The following GALNT13 variants were observed in gnomAD, a reference collection of about 807,000 sequenced individuals.
The protein encoded by GALNT13 is polypeptide N-acetylgalactosaminyltransferase 13.
GALNT13 carries 28 observed loss-of-function variants against 64.2 expected under a neutral mutation model. That is an observed-to-expected ratio of 0.44 (90% CI 0.32 to 0.60). The LOEUF (loss-of-function observed/expected upper bound fraction) is 0.60, where lower values mean the gene tolerates loss of function less well. Among genes scored for constraint, GALNT13 ranks in the 20% least tolerant of loss-of-function variants. The pLI is 0.05. For synonymous variants in GALNT13, 214 were observed against 224.6 expected, an observed-to-expected ratio of 0.95 and a Z score of 0.42; for missense variants, 577 against 669.8, an observed-to-expected ratio of 0.86 and a Z score of 1.53.
intron 8 of GALNT13, among the ~76,000 whole-genome samples, chr2:154,284,219 A>T (rs1574015088): frequency 1.3e-5 from 2 of 152,172 alleles, no homozygotes; most frequent in East Asian, 3.9e-4. Context: ...ACTAAAACTT[A>T]TTCTTCCAGT....
At chr2:153,167,291 A>AT in the GALNT13 span, among the ~76,000 whole-genome samples, 1 of 152,092 alleles carries the variant, frequency 6.6e-6, no homozygotes. Context: ...TGACCATCTG[A>AT]TTTTCTTTGG....
At chr2:153,227,115 A>G in the GALNT13 span, among the ~76,000 whole-genome samples, 3 of 152,220 alleles carry the variant, frequency 2.0e-5, no homozygotes, top group African/African-American at 7.2e-5. Flanking sequence ...TGTTGGGCTA[A>G]TTCAAGTGGG....
chr2:153,188,937 C>A, the GALNT13 span, among the ~76,000 whole-genome samples: 12 of 152,198 alleles, frequency 7.9e-5, no homozygotes, highest in South Asian at 2.5e-3. Flanking sequence ...GTTATACTAT[C>A]ACTACAAGCA....
At chr2:153,826,669 TG>T in the GALNT13 span, among the ~76,000 whole-genome samples, 1 of 149,658 alleles carries the variant, frequency 6.7e-6, no homozygotes, top group Admixed American at 6.6e-5. Context: ...ATATTTTTAA[TG>T]GCCCCTATAG....
intron 9 of GALNT13, among the ~76,000 whole-genome samples, chr2:154,308,475 G>A (rs931043415): frequency 1.3e-5 from 2 of 152,044 alleles, no homozygotes; most frequent in Non-Finnish European, 2.9e-5. Flanking sequence ...TGAATGTGGG[G>A]CCTAATTTCT....
chr2:153,630,563 A>G, the GALNT13 span, among the ~76,000 whole-genome samples: 8 of 149,210 alleles, frequency 5.4e-5, no homozygotes, highest in Non-Finnish European at 5.9e-5. Context: ...ACGAGTTAAT[A>G]GGTGCAGCAC....
chr2:153,497,522 A>ATTTTTT, the GALNT13 span, among the ~76,000 whole-genome samples: 754 of 36,858 alleles, frequency 0.02, 230 homozygotes, highest in Middle Eastern at 0.036. Flanking sequence ...TTTCTCCCGC[A>ATTTTTT]TTTTTTTTTT....
the GALNT13 span, among the ~76,000 whole-genome samples, chr2:153,378,961 T>C: frequency 6.6e-6 from 1 of 152,142 alleles, no homozygotes; most frequent in Non-Finnish European, 1.5e-5. Context: ...CTCTTAAGCT[T>C]GTTGACCATA....
the GALNT13 span, among the ~76,000 whole-genome samples, chr2:153,613,274 G>A: frequency 6.6e-6 from 1 of 152,134 alleles, no homozygotes; most frequent in Admixed American, 6.6e-5. Flanking sequence ...AGAGATTTTT[G>A]AGAAGATTGC....
At chr2:154,253,591 G>C (rs956957013) in intron 7 of GALNT13, among the ~76,000 whole-genome samples, 6 of 151,926 alleles carry the variant, frequency 3.9e-5, no homozygotes, top group Admixed American at 3.9e-4. Context: ...GATTATCCTG[G>C]GCAGTATAGT....
intron 4 of GALNT13, among the ~76,000 whole-genome samples, chr2:154,168,956 G>C (rs1439552457): frequency 6.6e-6 from 1 of 152,118 alleles, no homozygotes; most frequent in Non-Finnish European, 1.5e-5. Flanking sequence ...AGGGCCTCAG[G>C]CTGCCTCTAC....
the GALNT13 span, among the ~76,000 whole-genome samples, chr2:153,290,143 C>T: frequency 6.6e-6 from 1 of 152,084 alleles, no homozygotes; most frequent in Admixed American, 6.6e-5. Context: ...TAAACAGGGA[C>T]CTCAGTGTTT....
At chr2:154,288,155 G>C (rs775827592) in intron 8 of GALNT13, among the ~76,000 whole-genome samples, 8 of 152,102 alleles carry the variant, frequency 5.3e-5, no homozygotes, top group Non-Finnish European at 8.8e-5. Flanking sequence ...CTTACATGGA[G>C]GCAGGAAAGA....
chr2:154,113,309 T>C (rs1703092793), intron 3 of GALNT13, among the ~76,000 whole-genome samples: 1 of 152,204 alleles, frequency 6.6e-6, no homozygotes, highest in Non-Finnish European at 1.5e-5. Context: ...ATGGCCCAAG[T>C]GGCAGAGCAG....
chr2:153,861,961 G>T, the GALNT13 span, among the ~76,000 whole-genome samples: 1 of 152,128 alleles, frequency 6.6e-6, no homozygotes, highest in Non-Finnish European at 1.5e-5. Context: ...GGCTCACGTG[G>T]TTTGCAGACT....
At chr2:153,807,822 C>T in the GALNT13 span, among the ~76,000 whole-genome samples, 1 of 152,018 alleles carries the variant, frequency 6.6e-6, no homozygotes, top group South Asian at 2.1e-4. Flanking sequence ...TTTCCTTGTG[C>T]ATTTTGTGAC....
At chr2:153,237,593 G>T in the GALNT13 span, among the ~76,000 whole-genome samples, 1 of 151,930 alleles carries the variant, frequency 6.6e-6, no homozygotes, top group Non-Finnish European at 1.5e-5. Flanking sequence ...TTCTTTATGT[G>T]CCTGGCTTAT....
chr2:154,381,044 G>A (rs776274815), intron 9 of GALNT13, among the ~76,000 whole-genome samples: 5 of 151,932 alleles, frequency 3.3e-5, no homozygotes, highest in Non-Finnish European at 7.4e-5. Flanking sequence ...TCATCAAAGT[G>A]ACACCTCATC....
chr2:153,278,885 C>G, the GALNT13 span, among the ~76,000 whole-genome samples: 1 of 152,048 alleles, frequency 6.6e-6, no homozygotes, highest in East Asian at 1.9e-4. Context: ...TTTTCTAGTT[C>G]TGTGAAAAAT....
Sources: allele counts gnomAD v4.1 joint callset (sites outside exome capture counted in the v4.1 genomes callset), GRCh38; gene constraint gnomAD v4.1.1; transcripts MANE v1.5; gene names NCBI Gene and HGNC (gene_info 2026-07-23, HGNC 2026-07-21).